Variants in RANBP17 observed in about 807,000 individuals in gnomAD.
RANBP17 encodes RAN binding protein 17.
In RANBP17, 158 loss-of-function variants were observed where a neutral mutation model predicts 141.2. That is an observed-to-expected ratio of 1.12 (90% CI 0.98 to 1.28). The LOEUF is 1.28. Ranked by LOEUF, RANBP17 falls within the 50% of genes most tolerant of loss-of-function variation. The pLI, the probability that RANBP17 is intolerant of heterozygous loss-of-function variation, is 0.00. For synonymous variants in RANBP17, 430 were observed against 450.0 expected (o/e 0.96, Z 0.56); for missense variants, 1,438 against 1,290.7 (o/e 1.11, Z -1.75).
chr5:171,209,047 C>G (rs998889855), intron 20 of RANBP17, among the ~76,000 whole-genome samples: 4 of 152,114 alleles, frequency 2.6e-5, no homozygotes, highest in Non-Finnish European at 2.9e-5. Context: ...TTACTATAAT[C>G]AAATATAGAA....
intron 10 of RANBP17, among the ~76,000 whole-genome samples, chr5:170,919,166 C>T (rs1479992724): frequency 6.6e-6 from 1 of 151,262 alleles, no homozygotes. Flanking sequence ...ATTATAAAAC[C>T]ATGTTTTTCA....
intron 19 of RANBP17, among the ~76,000 whole-genome samples, chr5:171,202,837 TTTG>T (rs1762369888): frequency 1.3e-5 from 2 of 152,180 alleles, no homozygotes; most frequent in South Asian, 4.1e-4. Context: ...CTTCTTTTTC[TTTG>T]TTGTTATTAT....
chr5:171,027,752 A>G (rs1382937481), intron 14 of RANBP17, among the ~76,000 whole-genome samples: 2 of 152,088 alleles, frequency 1.3e-5, no homozygotes, highest in African/African-American at 2.4e-5. Context: ...AACTGTATGT[A>G]AGAACAGAGA....
At chr5:171,188,747 T>A (rs982331683) in intron 18 of RANBP17, among the ~76,000 whole-genome samples, 2 of 152,164 alleles carry the variant, frequency 1.3e-5, no homozygotes, top group Non-Finnish European at 2.9e-5. Context: ...CCACTATGTA[T>A]CTGTGGTAGG....
chr5:171,221,805 T>A lies in RANBP17; in HGVS notation c.2387T>A (p.Leu796His). 6.2e-7 allele frequency: 1 copy of A among 1,610,428 alleles called. No individual in the cohort carries two copies. Among genetic ancestry groups the A allele is most frequent in the Non-Finnish European group, 8.5e-7 (1 of 1,177,050 alleles). Residue 796 changes from leucine to histidine, a missense_variant, in exon 22 of 28, where the codon CTC (leucine) becomes CAC (histidine). Transcript: ENST00000523189. The part of the protein sequence containing the change: ...FDVSSPNGIL[L>H]FREASKMVCT... Reference sequence around the variant, plus strand: ...GTATCATCTCCTAATGGAATTCTTCTCTTCAGAGAAGCTAGTAAAATGGTT... The same window carrying A: ...GTATCATCTCCTAATGGAATTCTTCACTTCAGAGAAGCTAGTAAAATGGTT...
Position 171,298,867 on chromosome 5 carries a change from T to C in RANBP17, c.*9T>C. ...TCGACATGATGAGCTGACCCGACTT[T>C]TCTGACCATGTGCGGAGCAGCCTTT... On this transcript the variant is annotated 3_prime_UTR_variant, in exon 28 of 28. Coordinates refer to ENST00000523189, the MANE Select transcript of RANBP17 (RefSeq NM_022897.5). 1.9e-6 allele frequency: 3 copies of C among 1,611,542 alleles called. No homozygotes were observed. Among genetic ancestry groups the C allele is most frequent in the South Asian group, 2.2e-5 (2 of 91,006 alleles).
At chr5:171,205,433 A>G (rs1762521332) in intron 19 of RANBP17, 91 bp from the exon 20 acceptor site, 1 of 1,029,118 alleles carries the variant, frequency 9.7e-7, no homozygotes. Flanking sequence ...ATGAATCAAA[A>G]TCAGATATGT....
chr5:171,268,416 TTGAC>T (rs1000437498), intron 25 of RANBP17, among the ~76,000 whole-genome samples: 1 of 152,132 alleles, frequency 6.6e-6, no homozygotes, highest in Non-Finnish European at 1.5e-5. Context: ...CAAGGTCTGT[TTGAC>T]TGAAAAGCGC....
chr5:171,230,825 A>G (rs1045716689), intron 22 of RANBP17, among the ~76,000 whole-genome samples: 5 of 152,114 alleles, frequency 3.3e-5, no homozygotes, highest in African/African-American at 1.2e-4. Flanking sequence ...AAAATACTGG[A>G]TGGTATGACC....
Position 171,205,564 on chromosome 5 carries a change from C to A in RANBP17, c.2183C>A (p.Ala728Asp). 6.2e-7 allele frequency: 1 copy of A among 1,613,992 alleles called. No homozygotes were observed. Among genetic ancestry groups the A allele is most frequent in the Non-Finnish European group, 8.5e-7 (1 of 1,179,922 alleles). The change falls in exon 20 of 28, where the codon GCC becomes GAC. Residue 728 changes from alanine to aspartate, a missense_variant. By Grantham distance (126) the Ala-to-Asp change is moderately radical. Transcript: ENST00000523189. ...CTGGCAAGAGATCTTCGAGGGATTGCCTTTGCACTGAACACAAAGACCAGC... is the reference window on the plus strand; with the variant it reads ...CTGGCAAGAGATCTTCGAGGGATTGACTTTGCACTGAACACAAAGACCAGC... ...IGLARDLRGI[A>D]FALNTKTSYT...
At chr5:171,090,032 G>C (rs2591497) in intron 14 of RANBP17, among the ~76,000 whole-genome samples, 105,253 of 152,102 alleles carry the variant, frequency 0.69, 36,966 homozygotes, top group South Asian at 0.91. Flanking sequence ...TGGGTACCAG[G>C]AGAGTGGGGC....
At chr5:170,902,833 C>A (rs565304128) in intron 5 of RANBP17, among the ~76,000 whole-genome samples, 79 of 152,304 alleles carry the variant, frequency 5.2e-4, no homozygotes, top group African/African-American at 1.7e-3. Flanking sequence ...CCCTGTTTGC[C>A]TCGGTATCAC....
At chr5:171,009,529 G>T (rs1779883218) in intron 14 of RANBP17, among the ~76,000 whole-genome samples, 1 of 152,158 alleles carries the variant, frequency 6.6e-6, no homozygotes, top group Non-Finnish European at 1.5e-5. Flanking sequence ...TTCATAAAGT[G>T]ATTTGTAAAT....
At chr5:171,255,857 A>G (rs548078331) in intron 24 of RANBP17, among the ~76,000 whole-genome samples, 10 of 152,348 alleles carry the variant, frequency 6.6e-5, no homozygotes, top group South Asian at 4.1e-4. Flanking sequence ...TATATTTTGT[A>G]TATTGGAATA....
intron 9 of RANBP17, chr5:170,918,427 C>CACACACA (rs755407697): frequency 4.2e-4 from 97 of 231,332 alleles, no homozygotes; most frequent in Non-Finnish European, 5.8e-4. Context: ...CACACACACA[C>CACACACA]AACTTTTGTG....
intron 27 of RANBP17, among the ~76,000 whole-genome samples, chr5:171,296,867 C>T (rs1768853329): frequency 6.6e-6 from 1 of 152,198 alleles, no homozygotes; most frequent in Non-Finnish European, 1.5e-5. Context: ...GAGCTGAGAT[C>T]ACACCACTGC....
intron 19 of RANBP17, among the ~76,000 whole-genome samples, chr5:171,205,320 A>G (rs1368100039): frequency 6.6e-6 from 1 of 152,190 alleles, no homozygotes; most frequent in Non-Finnish European, 1.5e-5. Context: ...TGACTTAGCT[A>G]AATTTATAAG....
At chr5:170,878,743 T>C (rs1768405125) in intron 2 of RANBP17, among the ~76,000 whole-genome samples, 1 of 152,172 alleles carries the variant, frequency 6.6e-6, no homozygotes, top group African/African-American at 2.4e-5. Context: ...GTACATGAAT[T>C]AAAGTAGCAG....
Position 170,878,230 on chromosome 5 carries a change from T to G in RANBP17, c.152T>G (p.Leu51Ter). ...PECLSKCQLL[L>*]EQGTTSYAQL... ...TGTCTCAGCAAGTGTCAACTTTTAT[T>G]AGAACAAGGAACAGTAAGTATTTGG... The change falls in exon 2 of 28, where the codon TTA becomes TGA. Residue 51 changes from leucine (L) to a stop codon, truncating the protein, a stop_gained. Coordinates refer to ENST00000523189, the MANE Select transcript of RANBP17 (RefSeq NM_022897.5). LOFTEE classifies it high-confidence loss of function. The G allele has an allele frequency of 6.2e-7, 1 of 1,609,182 alleles. No homozygotes were observed. Among genetic ancestry groups the G allele is most frequent in the Non-Finnish European group, 8.5e-7 (1 of 1,178,130 alleles).
Sources: allele counts gnomAD v4.1 joint callset (sites outside exome capture counted in the v4.1 genomes callset), GRCh38; gene constraint gnomAD v4.1.1; transcripts MANE v1.5; gene names NCBI Gene and HGNC (gene_info 2026-07-23, HGNC 2026-07-21).